Variants in VPS8 observed in about 807,000 individuals in gnomAD.
VPS8 encodes the protein vacuolar protein sorting-associated protein 8 homolog.
A neutral mutation model predicts 216.4 loss-of-function variants in VPS8; 129 were observed. The ratio of observed to expected loss-of-function variants is 0.60; its 90% CI spans 0.52 to 0.69. The LOEUF is 0.69. Among genes scored for constraint, VPS8 ranks in the 30% least tolerant of loss-of-function variants. The probability of loss-of-function intolerance (pLI) is 0.00; values close to 1 mark genes in which losing one functional copy is unlikely to be tolerated. For missense variants in VPS8, 1,531 were observed against 1,683.5 expected, an observed-to-expected ratio of 0.91 and a Z score of 1.59; for synonymous variants, 571 against 565.4, an observed-to-expected ratio of 1.01 and a Z score of -0.14.
intron 44 of VPS8, among the ~76,000 whole-genome samples, chr3:184,998,445 G>A (rs1405735816): frequency 1.4e-5 from 1 of 74,070 alleles, no homozygotes; most frequent in Non-Finnish European, 3.2e-5. Flanking sequence ...AAGGAGCAAA[G>A]GTAGCTACAA....
At chr3:184,966,973 C>CT (rs11382420) in intron 39 of VPS8, among the ~76,000 whole-genome samples, 140,404 of 146,134 alleles carry the variant, frequency 0.96, 67,564 homozygotes, top group Non-Finnish European at 0.98. Flanking sequence ...TGTTGGTTAT[C>CT]TTTTTTTTTT....
At chr3:185,031,127 A>C (rs1758109262) in intron 46 of VPS8, among the ~76,000 whole-genome samples, 1 of 145,096 alleles carries the variant, frequency 6.9e-6, no homozygotes, top group South Asian at 2.2e-4. Flanking sequence ...TGTTTCCATA[A>C]CAACCAGAAA....
intron 46 of VPS8, among the ~76,000 whole-genome samples, chr3:185,024,925 C>T (rs1262841818): frequency 6.6e-6 from 1 of 151,936 alleles, no homozygotes; most frequent in Non-Finnish European, 1.5e-5. Context: ...TTGCTTGAAC[C>T]CGGGAGGCGG....
chr3:184,819,340 T>A (rs184638724), intron 1 of VPS8, among the ~76,000 whole-genome samples: 1 of 152,326 alleles, frequency 6.6e-6, no homozygotes, highest in African/African-American at 2.4e-5. Flanking sequence ...TCATGAAGCC[T>A]GTTTTGTTAT....
intron 36 of VPS8, among the ~76,000 whole-genome samples, chr3:184,942,309 C>T (rs765233260): frequency 9.2e-5 from 14 of 152,176 alleles, no homozygotes; most frequent in Non-Finnish European, 7.3e-5. Flanking sequence ...AACCACAGAT[C>T]ATTTTACTTG....
At chr3:184,939,922 C>T (rs980146050) in intron 35 of VPS8, among the ~76,000 whole-genome samples, 2 of 152,014 alleles carry the variant, frequency 1.3e-5, no homozygotes, top group African/African-American at 4.8e-5. Context: ...GGGAACAGCT[C>T]GAGGATTTGT....
At chr3:184,982,383 A>C in intron 40 of VPS8, 183 bp from the exon 41 acceptor site, 1 of 548,326 alleles carries the variant, frequency 1.8e-6, no homozygotes, top group Non-Finnish European at 3.1e-6. Context: ...TCTGCTTTGT[A>C]TTGTCTTTTT....
intron 3 of VPS8, among the ~76,000 whole-genome samples, chr3:184,831,382 G>A (rs1373050829): frequency 6.6e-6 from 1 of 152,212 alleles, no homozygotes; most frequent in Non-Finnish European, 1.5e-5. Flanking sequence ...CAGTGGATTT[G>A]GCTAGTAGCA....
At chr3:185,000,880 C>T (rs981152959) in intron 45 of VPS8, among the ~76,000 whole-genome samples, 1 of 152,220 alleles carries the variant, frequency 6.6e-6, no homozygotes, top group South Asian at 2.1e-4. Flanking sequence ...GCTGGGATTA[C>T]AGGCGTGAGC....
chr3:184,855,501 T>C (rs1478107364), intron 13 of VPS8, among the ~76,000 whole-genome samples: 3 of 152,232 alleles, frequency 2.0e-5, no homozygotes. Flanking sequence ...TTAACACTTT[T>C]GTAACTCAAA....
intron 5 of VPS8, among the ~76,000 whole-genome samples, chr3:184,837,593 A>G (rs181304841): frequency 5.9e-5 from 9 of 152,350 alleles, no homozygotes; most frequent in Admixed American, 5.2e-4. Flanking sequence ...CATTGTGTGT[A>G]GCAGCCTTGC....
At chr3:184,978,374 T>TCCTC (rs770443741) in intron 40 of VPS8, among the ~76,000 whole-genome samples, 3 of 151,812 alleles carry the variant, frequency 2.0e-5, no homozygotes, top group Non-Finnish European at 4.4e-5. Context: ...CGTCCATCCG[T>TCCTC]CCTCCCTCCC....
At chr3:184,965,314 C>A (rs2109561944) in intron 38 of VPS8, among the ~76,000 whole-genome samples, 1 of 152,290 alleles carries the variant, frequency 6.6e-6, no homozygotes, top group East Asian at 1.9e-4. Context: ...GGCTCTTAAT[C>A]TCTTTTAATC....
intron 47 of VPS8, among the ~76,000 whole-genome samples, chr3:185,051,323 A>G (rs1044053557): frequency 6.6e-6 from 1 of 152,148 alleles, no homozygotes; most frequent in Non-Finnish European, 1.5e-5. Flanking sequence ...AGGAGAAGGT[A>G]GAATCCAGGG....
At chr3:184,928,255 T>C (rs1340232248) in intron 31 of VPS8, among the ~76,000 whole-genome samples, 196 bp from the exon 32 acceptor site, 1 of 152,234 alleles carries the variant, frequency 6.6e-6, no homozygotes, top group East Asian at 1.9e-4. Context: ...CATTTATCTT[T>C]TTATAGGGCT....
intron 5 of VPS8, among the ~76,000 whole-genome samples, chr3:184,836,500 AGAG>A (rs2108572348): frequency 6.6e-6 from 1 of 152,328 alleles, no homozygotes; most frequent in Non-Finnish European, 1.5e-5. Flanking sequence ...TTCCCCTTGA[AGAG>A]GAGGGGAAAT....
At chr3:184,836,243 T>C (rs906305020) in intron 5 of VPS8, 16 of 456,262 alleles carry the variant, frequency 3.5e-5, no homozygotes, top group African/African-American at 3.0e-4. Flanking sequence ...TCTTCCTCTT[T>C]TAGGTGGAGA....
intron 42 of VPS8, among the ~76,000 whole-genome samples, chr3:184,987,865 C>T (rs747439560): frequency 1.1e-4 from 16 of 152,222 alleles, no homozygotes; most frequent in Non-Finnish European, 1.9e-4. Context: ...ATGAAAGTTC[C>T]TGTTGCTCCA....
intron 36 of VPS8, among the ~76,000 whole-genome samples, chr3:184,945,697 T>G (rs763499830): frequency 6.6e-6 from 1 of 152,136 alleles, no homozygotes; most frequent in Non-Finnish European, 1.5e-5. Flanking sequence ...TCCCAACAGG[T>G]TCTTCCTGCT....
Sources: gnomAD v4.1 joint callset for allele counts (sites outside exome capture counted in the v4.1 genomes callset) on GRCh38, gnomAD v4.1.1 for gene constraint, MANE v1.5 for transcripts, NCBI Gene and HGNC (gene_info 2026-07-23, HGNC 2026-07-21) for gene names.